Variants in KLC1 observed in about 807,000 individuals in gnomAD.
KLC1 encodes kinesin light chain 1.
In KLC1, 30 loss-of-function variants were observed where a neutral mutation model predicts 84.2. The observed-to-expected ratio is 0.36, with a 90% confidence interval of 0.27 to 0.48. KLC1 has a LOEUF of 0.48. Ranked by LOEUF, KLC1 falls within the 20% of genes least tolerant of loss-of-function variation. KLC1 has a pLI of 0.99. For missense variants in KLC1, 499 were observed against 805.4 expected, an observed-to-expected ratio of 0.62 and a Z score of 4.60; for synonymous variants, 289 against 293.3, an observed-to-expected ratio of 0.99 and a Z score of 0.15.
rs139692192 is a variant in KLC1, at chr14:103,639,227, A to T, written c.-2+9733A>T. On this transcript the variant is annotated intron_variant, in intron 1 of 16. Coordinates refer to ENST00000334553, the MANE Select transcript of KLC1 (RefSeq NM_001394837.1). ...GTCCAGGCTGGAGTACAGTGGCATG[A>T]TCTTGGCTCATTGCAGCCTCAGCCT... Among the ~76,000 whole-genome samples the T allele has an allele frequency of 9.4e-4, 143 of 152,218 alleles. 3 individuals are homozygous for T. In the East Asian group the frequency reaches 0.02, roughly 21 times the overall value.
chr14:103,640,897 C>G (rs1234426032), intron 1 of KLC1, among the ~76,000 whole-genome samples: 1 of 151,868 alleles, frequency 6.6e-6, no homozygotes, highest in Non-Finnish European at 1.5e-5. Context: ...ACCAAGGAAC[C>G]AACATTGGTA....
chr14:103,673,794 C>G (rs563928962), intron 9 of KLC1, among the ~76,000 whole-genome samples: 364 of 152,186 alleles, frequency 2.4e-3, no homozygotes, highest in African/African-American at 8.5e-3. Context: ...GTGATGGCGG[C>G]CGCCTGTAGT....
intron 15 of KLC1, chr14:103,698,528 C>CT (rs1788648554): frequency 1.9e-6 from 1 of 517,898 alleles, no homozygotes; most frequent in African/African-American, 1.9e-5. Context: ...AGAATCACCT[C>CT]TCCCCAAGGG....
At chr14:103,685,594 G>T in intron 13 of KLC1, 2 of 1,289,174 alleles carry the variant, frequency 1.6e-6, no homozygotes, top group Non-Finnish European at 2.0e-6. Context: ...GCCTTTCCTC[G>T]CCGCGGTTTC....
intron 5 of KLC1, 99 bp from the exon 6 acceptor site, chr14:103,669,412 C>T (rs1253732236): frequency 5.6e-6 from 4 of 710,644 alleles, no homozygotes. Context: ...CCAACCTGTG[C>T]AACAGAGTCA....
In KLC1 at chr14:103,692,346, G is replaced by A. The variant is rs1278345996; in HGVS notation, c.1782-13G>A. The A allele has an allele frequency of 6.5e-7, 1 of 1,536,566 alleles. No homozygotes were observed. The highest frequency in any genetic ancestry group is 8.7e-7 in the Non-Finnish European group (1 of 1,146,942). ...TGATCGTTTGTCCTTGCATGTCCGT[G>A]TCCGGGTTGCAGCATGAAGCGTGCC... On this transcript the variant is annotated splice_polypyrimidine_tract_variant and intron_variant, in intron 14 of 16. Coordinates refer to ENST00000334553, the MANE Select transcript of KLC1 (RefSeq NM_001394837.1).
chr14:103,699,004 G>A lies in KLC1; in HGVS notation c.1849-1651G>A, dbSNP rs536822410. ...GTTATGCCAAGGGCTGGGGAAACAC[G>A]TTCGTCCCAGAACCTGAGAAACAGG... On this transcript the variant is annotated intron_variant, in intron 15 of 16. Coordinates refer to ENST00000334553, the MANE Select transcript of KLC1 (RefSeq NM_001394837.1). The A allele has an allele frequency of 1.2e-5, 19 of 1,589,768 alleles. No homozygotes were observed. The East Asian group carries it at 1.6e-4, about 14-fold the overall frequency.
rs764651263 is a variant in KLC1, at chr14:103,675,653, A to T, written c.1312-36A>T. The stretch of plus-strand genomic sequence containing the variant: ...CTAAATTGTATATACTGCATTCAAG[A>T]TAATTATTCATTTGAAATTATTTCT... On this transcript the variant is annotated intron_variant, in intron 10 of 16. Coordinates refer to ENST00000334553, the MANE Select transcript of KLC1 (RefSeq NM_001394837.1). 3.1e-6 allele frequency: 5 copies of T among 1,603,424 alleles called. No homozygotes were observed. In the Admixed American group the frequency reaches 8.4e-5, roughly 27 times the overall value.
intron 13 of KLC1, chr14:103,686,072 G>A (rs746576922): frequency 1.3e-5 from 13 of 1,017,228 alleles, no homozygotes; most frequent in Admixed American, 5.1e-5. Flanking sequence ...GGCCCCGCTC[G>A]GACTCCGGGT....
intron 1 of KLC1, among the ~76,000 whole-genome samples, chr14:103,635,678 C>T (rs35053335): frequency 0.029 from 4,426 of 151,872 alleles, 121 homozygotes; most frequent in Middle Eastern, 0.068. Flanking sequence ...CACTTGAACC[C>T]GGGAGGCGGA....
chr14:103,655,303 G>A (rs906303166), intron 2 of KLC1, among the ~76,000 whole-genome samples: 2 of 152,022 alleles, frequency 1.3e-5, no homozygotes, highest in Non-Finnish European at 2.9e-5. Flanking sequence ...TATCAGAATT[G>A]TATTGATTGA....
chr14:103,650,608 TCTCA>T (rs1200062202), intron 1 of KLC1, among the ~76,000 whole-genome samples: 1 of 139,426 alleles, frequency 7.2e-6, no homozygotes, highest in Non-Finnish European at 1.5e-5. Flanking sequence ...TGAGATGGAG[TCTCA>T]CTCTTGCCCA....
rs201759596 is a variant in KLC1, at chr14:103,699,329, C to T, written c.1849-1326C>T. 2.5e-5 allele frequency: 39 copies of T among 1,566,426 alleles called. No individual in the cohort carries two copies. In the Admixed American group the frequency reaches 3.0e-4, roughly 12 times the overall value. The stretch of plus-strand genomic sequence containing the variant: ...TGCTTCCGCATCCTGGCTAAAAATA[C>T]GAGCTCAGGGGTGCAACCCTGCCTT... On this transcript the variant is annotated intron_variant, in intron 15 of 16. Transcript: ENST00000334553.
intron 6 of KLC1, 55 bp from the exon 7 acceptor site, chr14:103,670,127 G>A (rs896976172): frequency 1.8e-6 from 2 of 1,107,492 alleles, no homozygotes; most frequent in Non-Finnish European, 2.5e-6. Flanking sequence ...GTGTATAAAT[G>A]TACTCTTATT....
intron 1 of KLC1, among the ~76,000 whole-genome samples, chr14:103,641,769 A>C (rs1361128928): frequency 6.6e-6 from 1 of 151,758 alleles, no homozygotes; most frequent in Non-Finnish European, 1.5e-5. Flanking sequence ...CTACAGGTGC[A>C]CACTACAACA....
intron 13 of KLC1, chr14:103,685,422 C>A: frequency 1.7e-6 from 2 of 1,195,644 alleles, no homozygotes; most frequent in Non-Finnish European, 2.1e-6. Flanking sequence ...TGGGAATGGA[C>A]CAGTCTGGAT....
intron 5 of KLC1, among the ~76,000 whole-genome samples, chr14:103,666,160 T>C (rs921209297): frequency 3.3e-5 from 5 of 152,074 alleles, no homozygotes; most frequent in Non-Finnish European, 7.4e-5. Flanking sequence ...GCCTCCCGGG[T>C]TCACGCCATT....
intron 5 of KLC1, among the ~76,000 whole-genome samples, chr14:103,666,065 G>A (rs1246813739): frequency 6.6e-6 from 1 of 151,738 alleles, no homozygotes; most frequent in Admixed American, 6.6e-5. Context: ...TTCTTGGTGG[G>A]CTTCTTTTTG....
At chr14:103,658,249 C>T (rs1422814144) in intron 3 of KLC1, among the ~76,000 whole-genome samples, 4 of 152,054 alleles carry the variant, frequency 2.6e-5, no homozygotes, top group Admixed American at 6.6e-5. Flanking sequence ...GGGGAAGAAA[C>T]GATCTTGGTT....
Sources: allele counts gnomAD v4.1 joint callset (sites outside exome capture counted in the v4.1 genomes callset), GRCh38; gene constraint gnomAD v4.1.1; transcripts MANE v1.5; gene names NCBI Gene and HGNC (gene_info 2026-07-23, HGNC 2026-07-21).